Variants in PTCH1 observed in about 807,000 individuals in gnomAD.
PTCH1 encodes patched 1.
Under a neutral mutation model 144.6 loss-of-function variants are expected in PTCH1, and 14 were observed. The ratio of observed to expected loss-of-function variants is 0.10; its 90% CI spans 0.06 to 0.15. The LOEUF is 0.15. PTCH1 is among the 10% of genes least tolerant of loss of function. PTCH1 has a pLI of 1.00. For missense variants in PTCH1, 1,623 were observed against 1,948.3 expected (o/e 0.83, Z 3.14); for synonymous variants, 833 against 793.6 (o/e 1.05, Z -0.83).
At chr9:95,456,242 T>G (rs757646787) in intron 19 of PTCH1, 34 bp downstream of exon 19, 93 of 1,611,350 alleles carry the variant, frequency 5.8e-5, no homozygotes, top group Non-Finnish European at 7.8e-5. Flanking sequence ...GGGTTGTTTT[T>G]TCACAAAGTT....
At chr9:95,507,234 T>C in intron 1 of PTCH1, 1 of 985,472 alleles carries the variant, frequency 1.0e-6, no homozygotes, top group Non-Finnish European at 1.2e-6. Context: ...CTTACGACAA[T>C]ATTTGTGATC....
At chr9:95,467,470 G>T in intron 14 of PTCH1, 45 bp from the exon 15 acceptor site, 1 of 1,585,488 alleles carries the variant, frequency 6.3e-7, no homozygotes, top group South Asian at 1.1e-5. Flanking sequence ...GAGCACCACT[G>T]ACTCTTCCTG....
intron 2 of PTCH1, among the ~76,000 whole-genome samples, chr9:95,498,142 T>A (rs1454251688): frequency 6.6e-6 from 1 of 152,208 alleles, no homozygotes; most frequent in South Asian, 2.1e-4. Flanking sequence ...TATACATGTC[T>A]CATTAATAAC....
chr9:95,461,435 C>A (rs1268059296), intron 16 of PTCH1, among the ~76,000 whole-genome samples: 1 of 152,212 alleles, frequency 6.6e-6, no homozygotes, highest in African/African-American at 2.4e-5. Context: ...CCACCTACCC[C>A]AAATTCTGCT....
intron 5 of PTCH1, 70 bp from the exon 6 acceptor site, chr9:95,480,658 C>T (rs757868803): frequency 1.1e-5 from 16 of 1,481,518 alleles, no homozygotes; most frequent in Middle Eastern, 3.4e-4. Context: ...AACACGGCTG[C>T]GCCCACTGCA....
intron 7 of PTCH1, 70 bp from the exon 8 acceptor site, chr9:95,479,217 C>T: frequency 6.3e-7 from 1 of 1,597,506 alleles, no homozygotes; most frequent in Non-Finnish European, 8.6e-7. Context: ...CCTCAAATCC[C>T]CAGCCAGCTC....
Position 95,453,504 on chromosome 9 carries a change from C to T in PTCH1, c.3423G>A (p.Ala1141=), listed in dbSNP as rs745948150. Residue 1141 remains alanine (A), a synonymous_variant, in exon 20 of 24, where the codon GCG becomes GCA. Transcript: ENST00000331920. ...TGACAATGAAGTCGAACTCAGATCC[C>T]GCCAGCATCAGCACTCCCAGCAGAG... The part of the protein sequence containing the change: ...VSTLLGVLML[A]GSEFDFIVRY... The T allele has an allele frequency of 1.2e-5, 20 of 1,614,042 alleles. No homozygotes were observed. The highest frequency in any genetic ancestry group is 7.7e-5 in the South Asian group (7 of 91,090).
At chr9:95,482,683 T>C (rs1841644636) in intron 3 of PTCH1, 1 of 206,588 alleles carries the variant, frequency 4.8e-6, no homozygotes, top group South Asian at 8.2e-5. Flanking sequence ...ACCATTAATA[T>C]TATAAACAAC....
intron 19 of PTCH1, among the ~76,000 whole-genome samples, chr9:95,455,522 G>A (rs1838834725): frequency 6.6e-6 from 1 of 152,226 alleles, no homozygotes; most frequent in African/African-American, 2.4e-5. Context: ...TTACACAGTT[G>A]TGATGTTTTG....
rs182321370 is a variant in PTCH1 at position 95,459,789 on chromosome 9, A to C, written c.2704-6T>G. On this transcript the variant is annotated splice_region_variant and splice_polypyrimidine_tract_variant and intron_variant, in intron 16 of 23. Transcript: ENST00000331920. The stretch of plus-strand genomic sequence containing the variant: ...ACCAGACGCTGTTTAGTCAACTACA[A>C]AAACGGGAAGAACAGAGGCCTTTGA... The C allele has an allele frequency of 6.2e-7, 1 of 1,613,942 alleles. No individual in the cohort carries two copies. The highest frequency in any genetic ancestry group is 1.3e-5 in the African/African-American group (1 of 74,936).
intron 2 of PTCH1, among the ~76,000 whole-genome samples, chr9:95,504,711 G>A (rs148282634): frequency 1.3e-5 from 2 of 152,184 alleles, no homozygotes; most frequent in African/African-American, 4.8e-5. Flanking sequence ...TCCCGCCCAT[G>A]CCTAAAATGC....
intron 7 of PTCH1, among the ~76,000 whole-genome samples, chr9:95,479,429 A>G (rs1841357720): frequency 6.6e-6 from 1 of 152,180 alleles, no homozygotes; most frequent in African/African-American, 2.4e-5. Context: ...CAGGAAGGGG[A>G]GAGGAGCAGA....
upstream of PTCH1, among the ~76,000 whole-genome samples, chr9:95,510,733 A>G (rs1844106272): frequency 6.7e-6 from 1 of 148,860 alleles, no homozygotes; most frequent in Non-Finnish European, 1.5e-5. Context: ...ATGTTCATTG[A>G]AAAAAAAAGA....
rs2136599226 is a variant in PTCH1 at position 95,449,175 on chromosome 9, C to T, written c.3698G>A (p.Gly1233Asp). ...GTAGTGCCGAAGCTCCTCGCTGAGG[C>T]CTGACACTGTCGTCTGGGAACTATA... ...SEYSSQTTVS[G>D]LSEELRHYEA... The change falls in exon 22 of 24, where the codon GGC becomes GAC. Residue 1233 changes from glycine (G) to aspartate (D), a missense_variant. Coordinates refer to ENST00000331920, the MANE Select transcript of PTCH1 (RefSeq NM_000264.5). This position sits in a 1 kb window ranked among gnomAD's most constrained non-coding sequence, Gnocchi z 5.3. The T allele has an allele frequency of 6.2e-7, 1 of 1,612,790 alleles. No individual in the cohort carries two copies. The highest frequency in any genetic ancestry group is 8.5e-7 in the Non-Finnish European group (1 of 1,179,436).
intron 3 of PTCH1, 101 bp downstream of exon 3, chr9:95,485,584 C>A (rs1463950023): frequency 3.5e-6 from 5 of 1,422,762 alleles, no homozygotes; most frequent in Middle Eastern, 2.3e-4. Flanking sequence ...AGGTGCATTT[C>A]CAGGGCAACT....
intron 15 of PTCH1, among the ~76,000 whole-genome samples, chr9:95,464,261 C>T (rs1457757219): frequency 6.6e-6 from 1 of 152,224 alleles, no homozygotes; most frequent in Non-Finnish European, 1.5e-5. Flanking sequence ...GGCCTAAGCA[C>T]ATGTACAAGG....
Position 95,476,728 on chromosome 9 carries a change from C to G in PTCH1, c.1602+31G>C. ...AGGAACAGAGGAAGCTGTGATGTCCCCAAAGCTCTCTTCTTTTGTTTTTGC... is the reference window on the plus strand; with the variant it reads ...AGGAACAGAGGAAGCTGTGATGTCCGCAAAGCTCTCTTCTTTTGTTTTTGC... On this transcript the variant is annotated intron_variant, in intron 11 of 23. Coordinates refer to ENST00000331920, the MANE Select transcript of PTCH1 (RefSeq NM_000264.5). The surrounding 1 kb of genome is among the most constrained non-coding windows in gnomAD (Gnocchi z 4.6). 1.9e-6 allele frequency: 3 copies of G among 1,583,974 alleles called. No individual in the cohort carries two copies. The highest frequency in any genetic ancestry group is 2.6e-6 in the Non-Finnish European group (3 of 1,155,816).
rs2118044447 is a variant in PTCH1 at position 95,468,973 on chromosome 9, G to A, written c.2028C>T (p.Tyr676=). 1 of 1,614,114 alleles carries A rather than the reference G, an allele frequency of 6.2e-7. No homozygotes were observed. Among genetic ancestry groups the A allele is most frequent in the South Asian group, 1.1e-5 (1 of 91,068 alleles). ...TEYDPHTHVY[Y]TTAEPRSEIS... Reference sequence around the variant, plus strand: ...TCTCGGAGCGCGGCTCAGCGGTGGTGTAGTACACGTGCGTGTGGGGGTCGT... The same window carrying A: ...TCTCGGAGCGCGGCTCAGCGGTGGTATAGTACACGTGCGTGTGGGGGTCGT... The change falls in exon 14 of 24, where the codon TAC becomes TAT. Residue 676 remains tyrosine, a synonymous_variant. Coordinates refer to ENST00000331920, the MANE Select transcript of PTCH1 (RefSeq NM_000264.5).
intron 12 of PTCH1, 74 bp from the exon 13 acceptor site, chr9:95,470,005 A>T (rs561866296): frequency 9.3e-7 from 1 of 1,078,032 alleles, no homozygotes; most frequent in African/African-American, 1.5e-5. Flanking sequence ...GAAAATAAAG[A>T]TGCTTTTAAA....
Sources: allele counts gnomAD v4.1 joint callset (sites outside exome capture counted in the v4.1 genomes callset), GRCh38; gene constraint gnomAD v4.1.1; non-coding constraint Gnocchi (gnomAD v3.1); transcripts MANE v1.5; gene names NCBI Gene and HGNC (gene_info 2026-07-23, HGNC 2026-07-21).